DSCAML1: variants seen among roughly 807,000 people sequenced by gnomAD.
DSCAML1 encodes the protein DS cell adhesion molecule like 1, also known as cell adhesion molecule DSCAML1.
Under a neutral mutation model 200.5 loss-of-function variants are expected in DSCAML1, and 38 were observed. The observed-to-expected ratio is 0.19, with a 90% CI of 0.15 to 0.25. DSCAML1 has a LOEUF of 0.25. Ranked by LOEUF, DSCAML1 falls within the 10% of genes least tolerant of loss-of-function variation. The pLI, the probability that DSCAML1 is intolerant of heterozygous loss-of-function variation, is 1.00. For synonymous variants in DSCAML1, 1,215 were observed against 1,165.0 expected (o/e 1.04, Z -0.87); for missense variants, 2,223 against 2,858.8 (o/e 0.78, Z 5.07).
chr11:117,485,050 T>C (rs1315092555), intron 11 of DSCAML1, among the ~76,000 whole-genome samples: 1 of 152,076 alleles, frequency 6.6e-6, no homozygotes, highest in Non-Finnish European at 1.5e-5. Flanking sequence ...AGGACCTGTG[T>C]GTGAATTACA....
At chr11:117,716,152 C>T (rs1195113236) in intron 3 of DSCAML1, among the ~76,000 whole-genome samples, 2 of 152,206 alleles carry the variant, frequency 1.3e-5, no homozygotes, top group Non-Finnish European at 2.9e-5. Flanking sequence ...GTAGCAAAGG[C>T]CAGGGTTGCT....
At chr11:117,796,202 A>T (rs1056877907) in intron 1 of DSCAML1, among the ~76,000 whole-genome samples, 5 of 152,264 alleles carry the variant, frequency 3.3e-5, no homozygotes, top group Non-Finnish European at 7.4e-5. Flanking sequence ...CCCCAGCCGC[A>T]GGTCTGGACA....
intron 11 of DSCAML1, among the ~76,000 whole-genome samples, chr11:117,501,027 T>C (rs1464473209): frequency 6.6e-6 from 1 of 152,124 alleles, no homozygotes; most frequent in Non-Finnish European, 1.5e-5. Context: ...AAGTGGGCGA[T>C]GATGTGGGCG....
At chr11:117,692,086 G>A (rs1431569819) in intron 3 of DSCAML1, among the ~76,000 whole-genome samples, 2 of 152,072 alleles carry the variant, frequency 1.3e-5, no homozygotes, top group African/African-American at 4.8e-5. Context: ...GCCTAGCGGG[G>A]GTGTGAAGTC....
chr11:117,622,621 T>C (rs1407887102), intron 3 of DSCAML1, among the ~76,000 whole-genome samples: 1 of 152,200 alleles, frequency 6.6e-6, no homozygotes, highest in Non-Finnish European at 1.5e-5. Context: ...CTGTTGTTTC[T>C]AGTTTATGTC....
intron 3 of DSCAML1, chr11:117,668,882 C>T (rs902700006): frequency 2.0e-5 from 3 of 152,114 alleles, no homozygotes; most frequent in African/African-American, 7.2e-5. Context: ...ATTACAGTCT[C>T]AGTTTCACTG....
At chr11:117,761,222 C>T (rs184198711) in intron 3 of DSCAML1, among the ~76,000 whole-genome samples, 139 of 152,294 alleles carry the variant, frequency 9.1e-4, no homozygotes, top group Admixed American at 2.2e-3. Flanking sequence ...ACCCAGCCCC[C>T]GGAGAAGGCG....
In DSCAML1 at chr11:117,462,349, C is replaced by T. The variant is rs901028730; in HGVS notation, c.3266-753G>A. Among the ~76,000 whole-genome samples the T allele has an allele frequency of 2.0e-5, 3 of 152,218 alleles. No homozygotes were observed. In the East Asian group the frequency reaches 5.8e-4, roughly 29 times the overall value. On this transcript the variant is annotated intron_variant, in intron 17 of 32. Coordinates refer to ENST00000651296, the MANE Select transcript of DSCAML1 (RefSeq NM_020693.4). ...GTTTAAGCTGAGGTTCACCCTGGGG[C>T]GCAGTGCAGCCTGCCCCTCCTGAGA...
intron 3 of DSCAML1, among the ~76,000 whole-genome samples, chr11:117,698,391 G>A (rs2053618088): frequency 6.6e-6 from 1 of 152,174 alleles, no homozygotes; most frequent in Non-Finnish European, 1.5e-5. Flanking sequence ...AGACTTCACT[G>A]CCATGCAACA....
chr11:117,460,146 A>C (rs2048450191), intron 18 of DSCAML1, among the ~76,000 whole-genome samples: 1 of 152,252 alleles, frequency 6.6e-6, no homozygotes, highest in East Asian at 1.9e-4. Context: ...AGAGGAAGCG[A>C]GTTCTGGAAA....
chr11:117,565,165 T>C (rs1338238609), intron 3 of DSCAML1, among the ~76,000 whole-genome samples: 1 of 152,214 alleles, frequency 6.6e-6, no homozygotes, highest in African/African-American at 2.4e-5. Flanking sequence ...GCTTTCTCCT[T>C]AGTATTTCTT....
At position 117,431,732 on chromosome 11, in the gene DSCAML1, CACAG is replaced by C; in HGVS notation, c.5180-8_5180-5del. On this transcript the variant is annotated splice_polypyrimidine_tract_variant and splice_region_variant and intron_variant, in intron 30 of 32. Coordinates refer to ENST00000651296, the MANE Select transcript of DSCAML1 (RefSeq NM_020693.4). ...ACATTCTTCCTGGACACTGGATCTG[CACAG>C]ACAGAAGCAAGAAATTGCATCCTCC... 6.5e-7 allele frequency: 1 copy of C among 1,532,044 alleles called. No homozygotes were observed. Among genetic ancestry groups the C allele is most frequent in the East Asian group, 2.4e-5 (1 of 42,228 alleles). 94.9% of individuals were successfully genotyped at this position (1,532,044 alleles called of 1,614,324 possible).
chr11:117,632,221 C>A (rs1355387964), intron 3 of DSCAML1, among the ~76,000 whole-genome samples: 2 of 152,208 alleles, frequency 1.3e-5, no homozygotes, highest in Non-Finnish European at 2.9e-5. Context: ...GAAATGTCTC[C>A]TAAAGCCTCC....
chr11:117,515,146 T>C (rs2049733256), intron 8 of DSCAML1, among the ~76,000 whole-genome samples: 1 of 152,226 alleles, frequency 6.6e-6, no homozygotes, highest in Non-Finnish European at 1.5e-5. Flanking sequence ...GAGGTCTTCA[T>C]GCTTCTGTAG....
At chr11:117,686,928 G>A (rs891274718) in intron 3 of DSCAML1, among the ~76,000 whole-genome samples, 1 of 152,232 alleles carries the variant, frequency 6.6e-6, no homozygotes, top group South Asian at 2.1e-4. Context: ...CAGGCACTAA[G>A]TGGGAAAGTG....
chr11:117,586,938 C>T (rs1377831620), intron 3 of DSCAML1, among the ~76,000 whole-genome samples: 1 of 152,150 alleles, frequency 6.6e-6, no homozygotes, highest in Non-Finnish European at 1.5e-5. Context: ...GGAGTGATGC[C>T]CAGAGGGTGA....
Position 117,505,333 on chromosome 11 carries a change from C to G in DSCAML1, c.2062+121G>C. 7.3e-7 allele frequency: 1 copy of G among 1,369,458 alleles called. No individual in the cohort carries two copies. The highest frequency in any genetic ancestry group is 1.4e-5 in the South Asian group (1 of 72,626). The allele number at this position is 1,369,458 out of a possible 1,614,324, so 84.8% of individuals were successfully genotyped here. Reference sequence around the variant, plus strand: ...TAAGAGGTTTAGGCTCCAACAGGCCCTTCAAGATGCTGGAGCCCACCTTCC... The same window carrying G: ...TAAGAGGTTTAGGCTCCAACAGGCCGTTCAAGATGCTGGAGCCCACCTTCC... On this transcript the variant is annotated intron_variant, in intron 9 of 32. Coordinates refer to ENST00000651296, the MANE Select transcript of DSCAML1 (RefSeq NM_020693.4). This position sits in a 1 kb window ranked among gnomAD's most constrained non-coding sequence, Gnocchi z 6.7.
intron 3 of DSCAML1, among the ~76,000 whole-genome samples, chr11:117,557,902 T>C (rs2050588020): frequency 6.6e-6 from 1 of 152,012 alleles, no homozygotes. Context: ...TTGGTTGTCA[T>C]GACTGGGTGT....
intron 3 of DSCAML1, among the ~76,000 whole-genome samples, chr11:117,630,702 A>T (rs2052155380): frequency 1.4e-5 from 2 of 147,520 alleles, no homozygotes; most frequent in South Asian, 4.3e-4. Flanking sequence ...AGGGTGGTAG[A>T]AGGCAGGGCC....
Sources: allele counts gnomAD v4.1 joint callset (sites outside exome capture counted in the v4.1 genomes callset), GRCh38; gene constraint gnomAD v4.1.1; non-coding constraint Gnocchi (gnomAD v3.1); transcripts MANE v1.5; gene names NCBI Gene and HGNC (gene_info 2026-07-23, HGNC 2026-07-21).